ITLN2: variants seen among roughly 807,000 people sequenced by gnomAD.
ITLN2 encodes intelectin-2.
A neutral mutation model predicts 39.4 loss-of-function variants in ITLN2; 29 were observed. The observed-to-expected ratio is 0.74, with a 90% CI of 0.55 to 1.00. The LOEUF is 1.00. Ranked by LOEUF, ITLN2 falls within the 50% of genes least tolerant of loss-of-function variation. The probability of loss-of-function intolerance (pLI) is 0.00; values close to 1 mark genes in which losing one functional copy is unlikely to be tolerated. For missense variants in ITLN2, 412 were observed against 416.7 expected, an observed-to-expected ratio of 0.99 and a Z score of 0.10; for synonymous variants, 156 against 153.4, an observed-to-expected ratio of 1.02 and a Z score of -0.12.
intron 7 of ITLN2, among the ~76,000 whole-genome samples, chr1:160,947,436 A>G (rs6698072): frequency 0.032 from 4,892 of 152,242 alleles, 246 homozygotes; most frequent in African/African-American, 0.1. Context: ...ACTGCAAAGA[A>G]GCCTTCCTCT....
At position 160,948,051 on chromosome 1, in the gene ITLN2, A is replaced by G. The variant is rs776061862; in HGVS notation, c.722-19T>C. On this transcript the variant is annotated intron_variant, in intron 6 of 7. Coordinates refer to ENST00000368029, the MANE Select transcript of ITLN2 (RefSeq NM_080878.3). ...AATTCCCCTGAAAAAGAAGAGGTGA[A>G]GAAACAGCCAAGTAGTCAAAGGATG... 4.4e-5 allele frequency: 70 copies of G among 1,591,264 alleles called. No homozygotes were observed. Among genetic ancestry groups the G allele is most frequent in the Non-Finnish European group, 5.4e-5 (63 of 1,159,370 alleles).
At chr1:160,948,379 T>G (rs1354929539) in intron 6 of ITLN2, among the ~76,000 whole-genome samples, 1 of 152,222 alleles carries the variant, frequency 6.6e-6, no homozygotes, top group African/African-American at 2.4e-5. Context: ...CAGATGTGGC[T>G]GCCTATTGCT....
intron 3 of ITLN2, among the ~76,000 whole-genome samples, chr1:160,952,039 C>T (rs1423268638): frequency 6.6e-6 from 1 of 152,194 alleles, no homozygotes; most frequent in African/African-American, 2.4e-5. Flanking sequence ...CAGCCACTGC[C>T]CATGTTGTGT....
intron 6 of ITLN2, 172 bp downstream of exon 6, chr1:160,949,874 A>G (rs12095682): frequency 0.01 from 6,244 of 611,832 alleles, 305 homozygotes; most frequent in African/African-American, 0.1. Context: ...CTAACTTCAT[A>G]GTTTTCTCAT....
chr1:160,954,732 T>C lies in ITLN2; in HGVS notation c.10A>G (p.Met4Val). 2 of 1,614,114 alleles carry C rather than the reference T, an allele frequency of 1.2e-6. No individual in the cohort carries two copies. Among genetic ancestry groups the C allele is most frequent in the Non-Finnish European group, 8.5e-7 (1 of 1,179,980 alleles). The change falls in exon 1 of 8, where the codon ATG (methionine) becomes GTG (valine). Residue 4 changes from methionine (M) to valine (V), a missense_variant. Transcript: ENST00000368029. ...ATCAAAAACATTTTTCTCACCAGCA[T>C]GGACAGCATCCTTACAGATGCCAGG... is the stretch of plus-strand genomic sequence containing the variant. MLS[M>V]LRTMTRLCFL...
At chr1:160,952,224 G>A (rs890287915) in intron 3 of ITLN2, among the ~76,000 whole-genome samples, 1 of 152,148 alleles carries the variant, frequency 6.6e-6, no homozygotes, top group Non-Finnish European at 1.5e-5. Context: ...CCCACTACTT[G>A]GGCAGATGTC....
At chr1:160,946,638 G>A (rs1017595118) in intron 7 of ITLN2, among the ~76,000 whole-genome samples, 4 of 151,884 alleles carry the variant, frequency 2.6e-5, no homozygotes, top group South Asian at 4.2e-4. Context: ...GCATGAACCC[G>A]GGAGGTGGAG....
chr1:160,949,149 A>G (rs778269657), intron 6 of ITLN2: 9 of 150,746 alleles, frequency 6.0e-5, no homozygotes, highest in Non-Finnish European at 8.8e-5. Flanking sequence ...TGACGTGCAC[A>G]TACATAAACA....
chr1:160,945,695 A>G (rs1483403713), intron 7 of ITLN2, among the ~76,000 whole-genome samples: 1 of 152,188 alleles, frequency 6.6e-6, no homozygotes, highest in Non-Finnish European at 1.5e-5. Flanking sequence ...GGGGCAGGGA[A>G]GATGGAACCG....
At chr1:160,953,358 A>G (rs1671788474) in intron 2 of ITLN2, among the ~76,000 whole-genome samples, 1 of 152,224 alleles carries the variant, frequency 6.6e-6, no homozygotes, top group South Asian at 2.1e-4. Flanking sequence ...GGCCATGTAT[A>G]TAAGTCTAAA....
rs754202122 is a variant in ITLN2, at chr1:160,950,648, G to A, written c.505C>T (p.Pro169Ser). The A allele has an allele frequency of 3.1e-6, 5 of 1,614,076 alleles. No homozygotes were observed. The highest frequency in any genetic ancestry group is 1.1e-5 in the South Asian group (1 of 91,086). The change falls in exon 5 of 8, where the codon CCC becomes TCC. Residue 169 changes from proline to serine, a missense_variant. Transcript: ENST00000368029. The stretch of plus-strand genomic sequence containing the variant: ...GCGCTGTTTCTCCAATGCTGCATGG[G>A]GGACTTGTTGGGCACATGCCAGATG... The part of the protein sequence containing the change: ...LGIWHVPNKS[P>S]MQHWRNSALL...
At chr1:160,946,029 G>T (rs565439092) in intron 7 of ITLN2, among the ~76,000 whole-genome samples, 2 of 151,990 alleles carry the variant, frequency 1.3e-5, no homozygotes. Context: ...ATACTCAGCC[G>T]GGCACGGTGA....
chr1:160,945,610 G>A (rs565895808), intron 7 of ITLN2, among the ~76,000 whole-genome samples: 13 of 152,264 alleles, frequency 8.5e-5, no homozygotes, highest in East Asian at 1.9e-4. Flanking sequence ...GTCATCCTCC[G>A]AATTCTAATC....
Position 160,951,452 on chromosome 1 carries a change from T to G in ITLN2, c.194-162A>C, listed in dbSNP as rs528994615. The G allele has an allele frequency of 5.4e-5, 47 of 878,454 alleles. No individual in the cohort carries two copies. The East Asian group carries it at 1.2e-3, about 23-fold the overall frequency. 54.4% of individuals were successfully genotyped at this position (878,454 alleles called of 1,614,324 possible). A position where few individuals can be genotyped will look rare whatever the true frequency, so the allele number is the denominator to read the frequency against. On this transcript the variant is annotated intron_variant, in intron 3 of 7. Coordinates refer to ENST00000368029, the MANE Select transcript of ITLN2 (RefSeq NM_080878.3). ...ATGCATCTTGTGTTCTGCTCACCTA[T>G]GAGCAGAGGCACTGACTGTCTTGGC...
chr1:160,952,619 C>T lies in ITLN2; in HGVS notation c.193+1G>A. ...GAATGCTGAGTTGGTTCATTACTCACCACCTGCACTATGGCAGCGTTCCTT... is the reference window on the plus strand; with the variant it reads ...GAATGCTGAGTTGGTTCATTACTCATCACCTGCACTATGGCAGCGTTCCTT... On this transcript the variant is annotated splice_donor_variant, in intron 3 of 7. Coordinates refer to ENST00000368029, the MANE Select transcript of ITLN2 (RefSeq NM_080878.3). LOFTEE classifies it high-confidence loss of function. The T allele has an allele frequency of 1.2e-6, 2 of 1,605,740 alleles. No individual in the cohort carries two copies. The highest frequency in any genetic ancestry group is 1.7e-6 in the Non-Finnish European group (2 of 1,172,324).
chr1:160,954,441 T>G lies in ITLN2; in HGVS notation c.25A>C (p.Thr9Pro), dbSNP rs781514571. The G allele has an allele frequency of 1.3e-6, 2 of 1,579,406 alleles. No homozygotes were observed. The highest frequency in any genetic ancestry group is 4.5e-5 in the East Asian group (2 of 44,080). Residue 9 changes from threonine (T) to proline (P), a missense_variant, in exon 2 of 8, where the codon ACC becomes CCC. Transcript: ENST00000368029. ...AAGAATAACAGGAAGCAGAGTCTGG[T>G]CATTGTCCTCTAAGGAAAAACAAGA... MLSMLRTM[T>P]RLCFLLFFSV...
rs79889663 is a variant in ITLN2 at position 160,950,651 on chromosome 1, A to T, written c.502T>A (p.Ser168Thr). 3.1e-6 allele frequency: 5 copies of T among 1,613,918 alleles called. No homozygotes were observed. The highest frequency in any genetic ancestry group is 3.4e-6 in the Non-Finnish European group (4 of 1,179,970). Residue 168 changes from serine (S) to threonine (T), a missense_variant, in exon 5 of 8, where the codon TCC becomes ACC. Physicochemically the swap from Ser to Thr is moderately conservative, Grantham distance 58 (BLOSUM62 1). Transcript: ENST00000368029. The stretch of plus-strand genomic sequence containing the variant: ...CTGTTTCTCCAATGCTGCATGGGGG[A>T]CTTGTTGGGCACATGCCAGATGCCC... ...DLGIWHVPNK[S>T]PMQHWRNSAL...
intron 6 of ITLN2, chr1:160,949,066 G>A (rs1398092725): frequency 6.6e-6 from 1 of 152,122 alleles, no homozygotes; most frequent in Non-Finnish European, 1.5e-5. Flanking sequence ...TAATAGTGGG[G>A]AGAGGGTCAG....
Position 160,945,268 on chromosome 1 carries a change from A to C in ITLN2, c.850T>G (p.Phe284Val). ...CACTGACGGGGTTTGCCCTGTGGGA[A>C]GAACCCTCCTCCACCGATGCAGTGC... ...EHHCIGGGGF[F>V]PQGKPRQCGD... The change falls in exon 8 of 8, where the codon TTC becomes GTC. Residue 284 changes from phenylalanine (F) to valine (V), a missense_variant. Coordinates refer to ENST00000368029, the MANE Select transcript of ITLN2 (RefSeq NM_080878.3). 6.3e-7 allele frequency: 1 copy of C among 1,583,880 alleles called. No individual in the cohort carries two copies. Among genetic ancestry groups the C allele is most frequent in the Middle Eastern group, 1.7e-4 (1 of 5,960 alleles).
Sources: gnomAD v4.1 joint callset for allele counts (sites outside exome capture counted in the v4.1 genomes callset) on GRCh38, gnomAD v4.1.1 for gene constraint, MANE v1.5 for transcripts, NCBI Gene and HGNC (gene_info 2026-07-23, HGNC 2026-07-21) for gene names.